GRM5: variants seen among roughly 807,000 people sequenced by gnomAD.
GRM5 encodes the protein glutamate metabotropic receptor 5.
Under a neutral mutation model 83.1 loss-of-function variants are expected in GRM5, and 19 were observed. That is an observed-to-expected ratio of 0.23 (90% CI 0.16 to 0.34). The LOEUF (loss-of-function observed/expected upper bound fraction) is 0.34. Ranked by LOEUF, GRM5 falls within the 10% of genes least tolerant of loss-of-function variation. The pLI is 1.00. For missense variants in GRM5, 1,160 were observed against 1,588.3 expected (o/e 0.73, Z 4.58); for synonymous variants, 675 against 633.6 (o/e 1.07, Z -0.98).
chr11:88,987,127 A>T (rs891120466), intron 2 of GRM5, among the ~76,000 whole-genome samples: 101 of 152,154 alleles, frequency 6.6e-4, no homozygotes, highest in African/African-American at 2.3e-3. Context: ...AGTGCCAGAC[A>T]GTGGGCGCAG....
chr11:88,652,040 A>T (rs1019793363), intron 4 of GRM5, among the ~76,000 whole-genome samples: 2 of 152,024 alleles, frequency 1.3e-5, no homozygotes, highest in Non-Finnish European at 2.9e-5. Context: ...GAATTGGGTA[A>T]TGGACCAGGA....
chr11:88,614,112 T>C (rs1938404520), intron 4 of GRM5, among the ~76,000 whole-genome samples: 1 of 152,176 alleles, frequency 6.6e-6, no homozygotes, highest in Non-Finnish European at 1.5e-5. Flanking sequence ...TACATGTTTT[T>C]CTGGCTGTTA....
intron 2 of GRM5, among the ~76,000 whole-genome samples, chr11:88,983,725 A>G (rs191287441): frequency 6.6e-6 from 1 of 152,028 alleles, no homozygotes; most frequent in African/African-American, 2.4e-5. Flanking sequence ...GCTTGTGAAA[A>G]AAGTTACCTG....
chr11:88,689,724 C>T (rs181857458), intron 3 of GRM5, among the ~76,000 whole-genome samples: 1 of 152,228 alleles, frequency 6.6e-6, no homozygotes, highest in Admixed American at 6.5e-5. Context: ...CACGCCTATG[C>T]CTTCTGGTGT....
intron 2 of GRM5, among the ~76,000 whole-genome samples, chr11:88,864,157 G>A (rs1433425852): frequency 6.7e-6 from 1 of 148,674 alleles, no homozygotes; most frequent in Admixed American, 6.8e-5. Context: ...GGTAGTATGT[G>A]GTCAAAATCC....
chr11:88,600,305 T>A (rs886554941), intron 5 of GRM5, among the ~76,000 whole-genome samples: 1 of 40,340 alleles, frequency 2.5e-5, no homozygotes, highest in East Asian at 7.5e-4. Context: ...CCCTTCCCCC[T>A]CTCCCTCCCC....
chr11:88,902,950 CAAAAAAAA>C (rs201996144), intron 2 of GRM5, among the ~76,000 whole-genome samples: 6 of 61,904 alleles, frequency 9.7e-5, no homozygotes, highest in African/African-American at 4.5e-4. Flanking sequence ...GACTCCATCT[CAAAAAAAA>C]AAAAAAAAAA....
At chr11:88,865,523 C>G (rs1165150797) in intron 2 of GRM5, among the ~76,000 whole-genome samples, 1 of 152,060 alleles carries the variant, frequency 6.6e-6, no homozygotes, top group Non-Finnish European at 1.5e-5. Flanking sequence ...GACTAAAACA[C>G]CAAAAGCAAT....
intron 3 of GRM5, among the ~76,000 whole-genome samples, chr11:88,833,864 G>A (rs1413098854): frequency 6.6e-6 from 1 of 152,106 alleles, no homozygotes; most frequent in Non-Finnish European, 1.5e-5. Flanking sequence ...AATAAGCCAG[G>A]CACAGAAAGA....
intron 3 of GRM5, among the ~76,000 whole-genome samples, chr11:88,840,547 T>TA (rs1190479341): frequency 2.6e-5 from 4 of 152,204 alleles, no homozygotes; most frequent in Non-Finnish European, 5.9e-5. Flanking sequence ...TGTGAAGTGA[T>TA]ACACAAGATC....
At chr11:88,513,656 G>A (rs1379961668) in intron 9 of GRM5, among the ~76,000 whole-genome samples, 1 of 152,082 alleles carries the variant, frequency 6.6e-6, no homozygotes, top group African/African-American at 2.4e-5. Context: ...TGGAAAGAAA[G>A]GACCCAGATT....
At chr11:88,537,765 GCA>G (rs1942168730) in intron 8 of GRM5, among the ~76,000 whole-genome samples, 1 of 151,958 alleles carries the variant, frequency 6.6e-6, no homozygotes, top group African/African-American at 2.4e-5. Context: ...AACATCTTTT[GCA>G]CAGACTTGAA....
At position 88,717,164 on chromosome 11, in the gene GRM5, T is replaced by G. The variant is rs542867831; in HGVS notation, c.912-63761A>C. ...CCTTCTCTAGACAAAGCCACTTAAA[T>G]AGGAATCAGTTCTCTTCATTACAGA... On this transcript the variant is annotated intron_variant, in intron 3 of 9. Transcript: ENST00000305447. Among the ~76,000 whole-genome samples, 4 of 152,038 alleles carry G rather than the reference T, an allele frequency of 2.6e-5. No homozygotes were observed. The South Asian group carries it at 8.3e-4, about 32-fold the overall frequency.
intron 2 of GRM5, among the ~76,000 whole-genome samples, chr11:89,001,151 T>C (rs1321376344): frequency 1.3e-5 from 2 of 152,088 alleles, no homozygotes; most frequent in African/African-American, 4.8e-5. Flanking sequence ...TTAAGGTTTC[T>C]TGGTGGAAAA....
At chr11:88,580,487 T>C (rs1943196811) in intron 7 of GRM5, among the ~76,000 whole-genome samples, 1 of 152,196 alleles carries the variant, frequency 6.6e-6, no homozygotes, top group South Asian at 2.1e-4. Context: ...TTGGGAAGGT[T>C]ATTTTTTTAT....
intron 3 of GRM5, among the ~76,000 whole-genome samples, chr11:88,711,800 T>A (rs200930705): frequency 6.6e-6 from 1 of 151,780 alleles, no homozygotes; most frequent in African/African-American, 2.4e-5. Flanking sequence ...AACAAAAGTT[T>A]AGAGACTTTT....
At chr11:88,832,616 C>G (rs1222438421) in intron 3 of GRM5, among the ~76,000 whole-genome samples, 1 of 151,732 alleles carries the variant, frequency 6.6e-6, no homozygotes. Flanking sequence ...AAAAAAAAAT[C>G]TTAAAATTTA....
chr11:88,544,531 C>T (rs1271342110), intron 8 of GRM5, among the ~76,000 whole-genome samples: 1 of 152,194 alleles, frequency 6.6e-6, no homozygotes, highest in Non-Finnish European at 1.5e-5. Flanking sequence ...CTGTTTTGGG[C>T]TTTCTCCCCA....
At chr11:88,810,934 C>T (rs1943578842) in intron 3 of GRM5, among the ~76,000 whole-genome samples, 1 of 152,068 alleles carries the variant, frequency 6.6e-6, no homozygotes. Context: ...TCTGGTTGTG[C>T]TATTAACAAG....
Sources: allele counts gnomAD v4.1 joint callset (sites outside exome capture counted in the v4.1 genomes callset), GRCh38; gene constraint gnomAD v4.1.1; transcripts MANE v1.5; gene names NCBI Gene and HGNC (gene_info 2026-07-23, HGNC 2026-07-21).